CSRP1: variants seen among roughly 807,000 people sequenced by gnomAD.
CSRP1 encodes the protein cysteine and glycine rich protein 1, also known as cysteine and glycine-rich protein 1.
In CSRP1, 16 loss-of-function variants were observed where a neutral mutation model predicts 25.4. The observed-to-expected ratio is 0.63, with a 90% CI of 0.43 to 0.96. CSRP1 has a LOEUF of 0.96. Ranked by LOEUF, CSRP1 falls within the 40% of genes least tolerant of loss-of-function variation. CSRP1 has a pLI of 0.00. For missense variants in CSRP1, 212 were observed against 243.6 expected, an observed-to-expected ratio of 0.87 and a Z score of 0.86; for synonymous variants, 97 against 95.3, an observed-to-expected ratio of 1.02 and a Z score of -0.10.
At chr1:201,490,688 G>A (rs1007013954) in intron 2 of CSRP1, 2 of 194,640 alleles carry the variant, frequency 1.0e-5, no homozygotes, top group Non-Finnish European at 2.1e-5. Context: ...GCCACAGGAC[G>A]CCTGTTGAGG....
At chr1:201,490,405 T>C (rs1459071638) in intron 2 of CSRP1, 61 bp from the exon 3 acceptor site, 6 of 1,547,684 alleles carry the variant, frequency 3.9e-6, no homozygotes, top group African/African-American at 2.7e-5. Flanking sequence ...TTCTTGCTCA[T>C]TGCAAGCTTC....
At chr1:201,499,986 C>G (rs567842286) in intron 1 of CSRP1, among the ~76,000 whole-genome samples, 1 of 152,280 alleles carries the variant, frequency 6.6e-6, no homozygotes, top group African/African-American at 2.4e-5. Flanking sequence ...ACAGACAAGA[C>G]AAGCAAGGCT....
chr1:201,503,673 C>A (rs939573091), intron 1 of CSRP1, among the ~76,000 whole-genome samples: 1 of 152,140 alleles, frequency 6.6e-6, no homozygotes, highest in Non-Finnish European at 1.5e-5. Context: ...TCAGTGCTGG[C>A]GTCAGACACA....
chr1:201,489,073 C>T (rs892351948), intron 3 of CSRP1, 89 bp from the exon 4 acceptor site: 6 of 1,540,932 alleles, frequency 3.9e-6, no homozygotes, highest in Non-Finnish European at 5.3e-6. Context: ...ACCTTCATCT[C>T]ATGCCAGAGC....
chr1:201,486,995 AT>A (rs1286872174), intron 4 of CSRP1: 2 of 1,301,000 alleles, frequency 1.5e-6, no homozygotes, highest in Non-Finnish European at 2.0e-6. Flanking sequence ...AAGGATCTTC[AT>A]TGTGACCTCA....
At chr1:201,501,352 GACAAGTT>G (rs1331252549) in intron 1 of CSRP1, among the ~76,000 whole-genome samples, 1 of 152,228 alleles carries the variant, frequency 6.6e-6, no homozygotes, top group Non-Finnish European at 1.5e-5. Flanking sequence ...ATGAGTCTGG[GACAAGTT>G]ACTTGCCCTT....
intron 2 of CSRP1, among the ~76,000 whole-genome samples, chr1:201,494,024 T>A (rs1460019236): frequency 6.6e-6 from 1 of 152,140 alleles, no homozygotes; most frequent in Non-Finnish European, 1.5e-5. Flanking sequence ...ATAGCTGCAC[T>A]GGCCCTGAGA....
In CSRP1 at chr1:201,484,728, C is replaced by T; in HGVS notation, c.567G>A (p.Leu189=). The change falls in exon 6 of 6, where the codon TTG becomes TTA. Residue 189 remains leucine, a synonymous_variant. Transcript: ENST00000340006. ...GATGGTGGCCTCACTCAGAGTGGAC[C>T]AAGGCCCCAGCTCCTTGCCCAAAAC... ...GFGFGQGAGA[L]VHSE is the part of the protein sequence containing the mutation. The T allele has an allele frequency of 6.2e-7, 1 of 1,611,286 alleles. No individual in the cohort carries two copies. The highest frequency in any genetic ancestry group is 8.5e-7 in the Non-Finnish European group (1 of 1,179,382).
chr1:201,496,563 C>G (rs1664521944), intron 1 of CSRP1: 1 of 509,508 alleles, frequency 2.0e-6, no homozygotes, highest in Non-Finnish European at 3.6e-6. Context: ...GTGCTAGGCA[C>G]TCTAAAGGAT....
chr1:201,501,324 C>A (rs2102415299), intron 1 of CSRP1, among the ~76,000 whole-genome samples: 1 of 152,344 alleles, frequency 6.6e-6, no homozygotes, highest in African/African-American at 2.4e-5. Context: ...ACTCCTGATT[C>A]ATCTGCTAGC....
At chr1:201,485,639 A>AT (rs1198598404) in intron 4 of CSRP1, 1 of 477,596 alleles carries the variant, frequency 2.1e-6, no homozygotes, top group Non-Finnish European at 3.8e-6. Context: ...CACAAAAGGC[A>AT]GGTGAGGGGG....
chr1:201,494,492 G>A (rs1193005271), intron 2 of CSRP1, among the ~76,000 whole-genome samples: 1 of 152,220 alleles, frequency 6.6e-6, no homozygotes, highest in African/African-American at 2.4e-5. Context: ...AGCCAACAAA[G>A]CTCCACTAAA....
At chr1:201,488,825 C>G (rs1194502287) in intron 4 of CSRP1, 30 bp downstream of exon 4, 1 of 1,608,722 alleles carries the variant, frequency 6.2e-7, no homozygotes, top group Non-Finnish European at 8.5e-7. Flanking sequence ...TATCTCCCCC[C>G]ATCCCTCTCA....
intron 4 of CSRP1, chr1:201,488,644 A>G (rs1396355072): frequency 4.2e-6 from 2 of 474,278 alleles, no homozygotes; most frequent in Non-Finnish European, 7.7e-6. Flanking sequence ...TTGTCCATCA[A>G]TGCTGGGGAT....
chr1:201,489,230 C>T, intron 3 of CSRP1: 1 of 378,284 alleles, frequency 2.6e-6, no homozygotes. Flanking sequence ...ACCCCAGAAT[C>T]ATTTAACACC....
In CSRP1 at chr1:201,483,690, C is replaced by A. The variant is rs1434786089; in HGVS notation, c.*1023G>T. 3.4e-6 allele frequency: 1 copy of A among 294,806 alleles called. No homozygotes were observed. The highest frequency in any genetic ancestry group is 2.1e-5 in the African/African-American group (1 of 48,386). 18.3% of individuals were successfully genotyped at this position (294,806 alleles called of 1,614,324 possible). On this transcript the variant is annotated 3_prime_UTR_variant, in exon 6 of 6. Transcript: ENST00000340006. ...CCTTCCTCCCACCACTATTCCTAAC[C>A]TGGGGCCTGGCAGGGGTGGAGTGAT... is the stretch of plus-strand genomic sequence containing the variant.
rs543623939 is a variant in CSRP1 at position 201,483,779 on chromosome 1, A to T, written c.*934T>A. 31 of 485,856 alleles carry T rather than the reference A, an allele frequency of 6.4e-5. No individual in the cohort carries two copies. In the South Asian group the frequency reaches 9.4e-4, roughly 15 times the overall value. The allele number at this position is 485,856 out of a possible 1,614,324, so 30.1% of individuals were successfully genotyped here. ...GGCAGGGTCTTGGGTTAAAGGGAAGATTCTGAGGTCTCAGGGCAAAGGGAA... is the reference window on the plus strand; with the variant it reads ...GGCAGGGTCTTGGGTTAAAGGGAAGTTTCTGAGGTCTCAGGGCAAAGGGAA... On this transcript the variant is annotated 3_prime_UTR_variant, in exon 6 of 6. Coordinates refer to ENST00000340006, the MANE Select transcript of CSRP1 (RefSeq NM_004078.3).
chr1:201,502,687 G>A (rs960303582), intron 1 of CSRP1, among the ~76,000 whole-genome samples: 2 of 152,184 alleles, frequency 1.3e-5, no homozygotes, highest in Non-Finnish European at 2.9e-5. Context: ...TGTCATTCTA[G>A]GTCAGGAATC....
intron 2 of CSRP1, chr1:201,492,391 C>T (rs960873570): frequency 6.6e-6 from 1 of 152,360 alleles, no homozygotes; most frequent in Non-Finnish European, 1.5e-5. Context: ...TCGTGGCCCT[C>T]TGCCCCTCTA....
Sources: gnomAD v4.1 joint callset for allele counts (sites outside exome capture counted in the v4.1 genomes callset) on GRCh38, gnomAD v4.1.1 for gene constraint, MANE v1.5 for transcripts, NCBI Gene and HGNC (gene_info 2026-07-23, HGNC 2026-07-21) for gene names.